FGF14: variants seen among roughly 807,000 people sequenced by gnomAD.
FGF14 encodes fibroblast growth factor 14, also known as fibroblast growth factor homologous factor 4.
FGF14 carries 5 observed loss-of-function variants against 25.5 expected under a neutral mutation model. That is an observed-to-expected ratio of 0.20 (90% CI 0.10 to 0.41). The LOEUF (loss-of-function observed/expected upper bound fraction) is 0.41, where lower values mean the gene tolerates loss of function less well. Among genes scored for constraint, FGF14 ranks in the 10% least tolerant of loss-of-function variants. The probability of loss-of-function intolerance (pLI) is 1.00; values close to 1 mark genes in which losing one functional copy is unlikely to be tolerated. For synonymous variants in FGF14, 138 were observed against 118.3 expected, an observed-to-expected ratio of 1.17 and a Z score of -1.08; for missense variants, 222 against 320.1, an observed-to-expected ratio of 0.69 and a Z score of 2.34.
intron 1 of FGF14, among the ~76,000 whole-genome samples, chr13:102,281,690 CTT>C (rs539883822): frequency 7.9e-4 from 106 of 134,878 alleles, no homozygotes; most frequent in Middle Eastern, 3.8e-3. Context: ...ATCCTAACTT[CTT>C]TTTTTTTTTT....
At chr13:101,798,030 G>A (rs1306799013) in intron 3 of FGF14, among the ~76,000 whole-genome samples, 1 of 152,034 alleles carries the variant, frequency 6.6e-6, no homozygotes, top group Non-Finnish European at 1.5e-5. Flanking sequence ...GCTGTTCTTC[G>A]ATAAGCTGTA....
chr13:102,196,416 GA>G (rs1022315550), intron 1 of FGF14, among the ~76,000 whole-genome samples: 1 of 151,840 alleles, frequency 6.6e-6, no homozygotes, highest in Admixed American at 6.6e-5. Context: ...CCTCAGGAAA[GA>G]AAAAAAAATC....
At chr13:102,144,851 A>G (rs960758726) in intron 1 of FGF14, among the ~76,000 whole-genome samples, 2 of 152,218 alleles carry the variant, frequency 1.3e-5, no homozygotes, top group African/African-American at 4.8e-5. Context: ...TCACATAAAC[A>G]CAAATGCAAC....
intron 1 of FGF14, among the ~76,000 whole-genome samples, chr13:102,248,826 C>T (rs1262175721): frequency 1.3e-5 from 2 of 152,044 alleles, no homozygotes; most frequent in African/African-American, 4.8e-5. Flanking sequence ...ATGAACAAGA[C>T]AGGCAGTAGA....
chr13:102,041,135 GA>G (rs879273193), intron 1 of FGF14, among the ~76,000 whole-genome samples: 17 of 149,712 alleles, frequency 1.1e-4, no homozygotes, highest in Admixed American at 8.0e-4. Context: ...TTGCCAATCT[GA>G]AAAAAAAATT....
intron 1 of FGF14, among the ~76,000 whole-genome samples, chr13:102,210,814 C>G (rs576758390): frequency 2.6e-5 from 4 of 152,252 alleles, no homozygotes; most frequent in South Asian, 4.1e-4. Context: ...GAGGGGGTTT[C>G]AAGGTAGAGA....
At chr13:102,335,485 C>T (rs2056764925) in intron 1 of FGF14, among the ~76,000 whole-genome samples, 1 of 151,778 alleles carries the variant, frequency 6.6e-6, no homozygotes, top group Admixed American at 6.6e-5. Flanking sequence ...CAACCCAAAC[C>T]CCATTCCACC....
chr13:101,837,502 G>A lies in FGF14; in HGVS notation c.408+31223C>T, dbSNP rs140689979. Among the ~76,000 whole-genome samples, 456 of 152,116 alleles carry A rather than the reference G, an allele frequency of 3.0e-3. 4 individuals carry two copies. Among genetic ancestry groups the A allele is most frequent in the African/African-American group, 0.01 (430 of 41,528 alleles). On this transcript the variant is annotated intron_variant, in intron 3 of 4. Coordinates refer to ENST00000376143, the MANE Select transcript of FGF14 (RefSeq NM_004115.4). Reference sequence around the variant, plus strand: ...TGCGTAATGTGCTGAATAAATGATGGCTATCATCACAAATGCCCTTAGGGC... The same window carrying A: ...TGCGTAATGTGCTGAATAAATGATGACTATCATCACAAATGCCCTTAGGGC...
intron 1 of FGF14, among the ~76,000 whole-genome samples, chr13:102,205,472 C>T (rs1189885097): frequency 6.6e-6 from 1 of 151,928 alleles, no homozygotes; most frequent in Non-Finnish European, 1.5e-5. Context: ...TGTGTGTGGG[C>T]ATTAGACATT....
rs559629667 is a variant in FGF14 at position 101,964,722 on chromosome 13, TA to T, written c.209-89427del. ...ATAGTTCTCCTTCTTTTCTAGCAAT[TA>T]AAGAATAGTATTTCCCTTTCCTTTT... On this transcript the variant is annotated intron_variant, in intron 1 of 4. Transcript: ENST00000376131. Among the ~76,000 whole-genome samples the T allele has an allele frequency of 1.8e-4, 27 of 152,142 alleles. 2 individuals carry two copies. In the East Asian group the frequency reaches 5.2e-3, roughly 30 times the overall value.
chr13:101,881,053 A>G (rs2045681991), intron 1 of FGF14, among the ~76,000 whole-genome samples: 1 of 152,170 alleles, frequency 6.6e-6, no homozygotes, highest in Non-Finnish European at 1.5e-5. Flanking sequence ...ATGGGCAAAG[A>G]CTTTTTCTAG....
chr13:102,060,703 T>TG (rs2042646972), intron 1 of FGF14, among the ~76,000 whole-genome samples: 1 of 152,034 alleles, frequency 6.6e-6, no homozygotes, highest in Non-Finnish European at 1.5e-5. Context: ...ATACAGGAGT[T>TG]GGGGGAGCAG....
At chr13:101,766,123 C>T (rs2038374480) in intron 3 of FGF14, among the ~76,000 whole-genome samples, 1 of 152,106 alleles carries the variant, frequency 6.6e-6, no homozygotes, top group Non-Finnish European at 1.5e-5. Flanking sequence ...ATCATTAATC[C>T]TCATCTACAA....
chr13:101,982,674 T>C (rs1414190971), intron 1 of FGF14, among the ~76,000 whole-genome samples: 1 of 152,202 alleles, frequency 6.6e-6, no homozygotes, highest in Non-Finnish European at 1.5e-5. Flanking sequence ...AACTGGGTTA[T>C]AAAGACAAAA....
At chr13:101,781,517 T>C (rs1314388467) in intron 3 of FGF14, among the ~76,000 whole-genome samples, 1 of 152,174 alleles carries the variant, frequency 6.6e-6, no homozygotes, top group Non-Finnish European at 1.5e-5. Context: ...ACTAGCATGG[T>C]ATATAGCAGA....
At chr13:102,332,187 A>AGG (rs2056652928) in intron 1 of FGF14, among the ~76,000 whole-genome samples, 1 of 152,130 alleles carries the variant, frequency 6.6e-6, no homozygotes, top group African/African-American at 2.4e-5. Flanking sequence ...AAACTTTTTA[A>AGG]AGTTTTTTTA....
chr13:101,794,724 T>G lies in FGF14; in HGVS notation c.409-67914A>C, dbSNP rs187514807. Among the ~76,000 whole-genome samples, 47 of 152,238 alleles carry G rather than the reference T, an allele frequency of 3.1e-4. 1 individual carries two copies. The East Asian group carries it at 8.5e-3, about 28-fold the overall frequency. ...TAATGTCTTTGATTACAAAGCCATC[T>G]CTAGCAATTTAATACAATTATGAAA... On this transcript the variant is annotated intron_variant, in intron 3 of 4. Transcript: ENST00000376143.
chr13:101,799,622 C>G (rs947227190), intron 3 of FGF14, among the ~76,000 whole-genome samples: 1 of 152,078 alleles, frequency 6.6e-6, no homozygotes, highest in African/African-American at 2.4e-5. Context: ...ACGTATTAGT[C>G]TGCAATAGTC....
intron 1 of FGF14, among the ~76,000 whole-genome samples, chr13:102,091,525 C>T (rs2044164597): frequency 1.3e-5 from 2 of 152,190 alleles, no homozygotes; most frequent in Admixed American, 6.5e-5. Context: ...TTGTTCAACA[C>T]TTGGAGAACC....
Sources: gnomAD v4.1 joint callset for allele counts (sites outside exome capture counted in the v4.1 genomes callset) on GRCh38, gnomAD v4.1.1 for gene constraint, MANE v1.5 for transcripts, NCBI Gene and HGNC (gene_info 2026-07-23, HGNC 2026-07-21) for gene names.